Variants in DIP2B observed in about 807,000 individuals in gnomAD.
DIP2B encodes DIP2 acetate--CoA ligase B (putative), also known as disco-interacting protein 2 homolog B.
In DIP2B, 76 loss-of-function variants were observed where a neutral mutation model predicts 198.0. That is an observed-to-expected ratio of 0.38 (90% CI 0.32 to 0.46). The LOEUF is 0.46. DIP2B is among the 20% of genes least tolerant of loss of function. The pLI is 0.99. For missense variants in DIP2B, 1,559 were observed against 1,978.4 expected, an observed-to-expected ratio of 0.79 and a Z score of 4.02; for synonymous variants, 701 against 739.1, an observed-to-expected ratio of 0.95 and a Z score of 0.84.
At chr12:50,644,612 T>C (rs1016614951) in intron 3 of DIP2B, among the ~76,000 whole-genome samples, 2 of 152,206 alleles carry the variant, frequency 1.3e-5, no homozygotes, top group African/African-American at 4.8e-5. Flanking sequence ...TGCCTGTTCT[T>C]ATCAATAAGA....
At chr12:50,653,915 C>A (rs371309511) in intron 3 of DIP2B, among the ~76,000 whole-genome samples, 7 of 152,010 alleles carry the variant, frequency 4.6e-5, no homozygotes, top group African/African-American at 1.5e-4. Context: ...ACTCTGTTGC[C>A]CAGGCTGGAG....
rs141396523 is a variant in DIP2B at position 50,729,067 on chromosome 12, A to G, written c.3641+389A>G. On this transcript the variant is annotated intron_variant, in intron 30 of 37. Transcript: ENST00000301180. Reference sequence around the variant, plus strand: ...AATGGGATGGGATGACAGCATGTGGATGGAAAGTAGCACATTTGCCCTGGC... The same window carrying G: ...AATGGGATGGGATGACAGCATGTGGGTGGAAAGTAGCACATTTGCCCTGGC... Among the ~76,000 whole-genome samples, 11 of 152,212 alleles carry G rather than the reference A, an allele frequency of 7.2e-5. No homozygotes were observed. In the East Asian group the frequency reaches 2.1e-3, roughly 30 times the overall value.
At chr12:50,734,089 C>T in intron 32 of DIP2B, 46 bp from the exon 33 acceptor site, 1 of 1,597,854 alleles carries the variant, frequency 6.3e-7, no homozygotes, top group South Asian at 1.1e-5. Flanking sequence ...ATGTGAAATA[C>T]AGTTTATCGA....
chr12:50,572,958 A>T (rs116415766), intron 1 of DIP2B, among the ~76,000 whole-genome samples: 1 of 152,214 alleles, frequency 6.6e-6, no homozygotes, highest in Non-Finnish European at 1.5e-5. Context: ...CAGTGTCAGC[A>T]TCTTGGCTAG....
chr12:50,594,747 C>G (rs1303082440), intron 1 of DIP2B, among the ~76,000 whole-genome samples: 1 of 152,072 alleles, frequency 6.6e-6, no homozygotes, highest in Non-Finnish European at 1.5e-5. Flanking sequence ...TTTAACCCAC[C>G]TCTAATATTA....
Position 50,706,677 on chromosome 12 carries a change from A to G in DIP2B, c.2534+12A>G. 6.2e-7 allele frequency: 1 copy of G among 1,613,538 alleles called. No individual in the cohort carries two copies. The highest frequency in any genetic ancestry group is 8.5e-7 in the Non-Finnish European group (1 of 1,179,706). On this transcript the variant is annotated intron_variant, in intron 21 of 37. Transcript: ENST00000301180. Reference sequence around the variant, plus strand: ...GTTTATAGAGGAAGGTGAGTAGTACAAAATTCAAATGTTAGCACCTTTTAA... The same window carrying G: ...GTTTATAGAGGAAGGTGAGTAGTACGAAATTCAAATGTTAGCACCTTTTAA...
intron 36 of DIP2B, 86 bp downstream of exon 36, chr12:50,739,672 G>A (rs1940205139): frequency 1.3e-6 from 2 of 1,516,954 alleles, no homozygotes; most frequent in Admixed American, 3.6e-5. Context: ...GGATTGTGGA[G>A]TGTGTCTATT....
chr12:50,552,985 G>T (rs146438650), intron 1 of DIP2B, among the ~76,000 whole-genome samples: 3 of 151,970 alleles, frequency 2.0e-5, no homozygotes, highest in African/African-American at 7.3e-5. Flanking sequence ...ACAGGTGTGC[G>T]CCACCATGCC....
chr12:50,605,742 A>G (rs979857982), intron 1 of DIP2B, among the ~76,000 whole-genome samples: 5 of 152,168 alleles, frequency 3.3e-5, no homozygotes, highest in African/African-American at 9.7e-5. Flanking sequence ...CCATGTTTTC[A>G]AGGTTCAGTC....
In DIP2B at chr12:50,739,602, C is replaced by T. The variant is rs1410282997; in HGVS notation, c.4354+16C>T. 6.2e-7 allele frequency: 1 copy of T among 1,612,040 alleles called. No individual in the cohort carries two copies. Among genetic ancestry groups the T allele is most frequent in the African/African-American group, 1.3e-5 (1 of 74,920 alleles). ...GCCACTGGAGGTACTTCTGCAACAA[C>T]TCCCCATTGACCCTGCTTTGTGTTT... On this transcript the variant is annotated intron_variant, in intron 36 of 37. Transcript: ENST00000301180.
intron 3 of DIP2B, among the ~76,000 whole-genome samples, chr12:50,646,583 A>G (rs897245903): frequency 5.3e-5 from 8 of 152,062 alleles, no homozygotes; most frequent in South Asian, 2.1e-4. Context: ...CACCGTGCCC[A>G]GCTAATTTTT....
Position 50,660,196 on chromosome 12 carries a change from A to G in DIP2B, c.304A>G (p.Ile102Val), listed in dbSNP as rs1938621546. The G allele has an allele frequency of 6.2e-7, 1 of 1,604,966 alleles. No individual in the cohort carries two copies. The change falls in exon 4 of 38, where the codon ATC becomes GTC. Residue 102 changes from isoleucine to valine, a missense_variant and splice_region_variant. Coordinates refer to ENST00000301180, the MANE Select transcript of DIP2B (RefSeq NM_173602.3). ...GARDERYRSD[I>V]HTEAVQAALA... The stretch of plus-strand genomic sequence containing the variant: ...AATGCAAATGTTTGCTTTTTCAGAT[A>G]TCCACACAGAAGCAGTTCAGGCTGC...
intron 8 of DIP2B, chr12:50,680,269 A>AAC (rs1555192334): frequency 6.5e-6 from 1 of 153,486 alleles, no homozygotes; most frequent in African/African-American, 2.4e-5. Context: ...TAAAAAAAAA[A>AAC]AAAAAAAAAA....
rs1185217074 is a variant in DIP2B at position 50,747,998 on chromosome 12, G to A, written c.*3159G>A. ...AGTCCTTTCCTCATGAAGTTGTGTTGCCTCAGGCTGTTTAGGGACCATTGC... is the reference window on the plus strand; with the variant it reads ...AGTCCTTTCCTCATGAAGTTGTGTTACCTCAGGCTGTTTAGGGACCATTGC... On this transcript the variant is annotated 3_prime_UTR_variant, in exon 38 of 38. Transcript: ENST00000301180. 6.6e-6 allele frequency: 1 copy of A among 152,616 alleles called. No homozygotes were observed. The highest frequency in any genetic ancestry group is 2.4e-5 in the African/African-American group (1 of 41,434). The allele number at this position is 152,616 out of a possible 1,614,324, so 9.5% of individuals were successfully genotyped here.
At chr12:50,581,434 AGTGTGAT>A (rs1254680015) in intron 1 of DIP2B, among the ~76,000 whole-genome samples, 1 of 149,486 alleles carries the variant, frequency 6.7e-6, no homozygotes, top group East Asian at 2.3e-4. Context: ...GCCCAATAGG[AGTGTGAT>A]TCTTTCCGGC....
intron 2 of DIP2B, among the ~76,000 whole-genome samples, chr12:50,630,369 TTCTCTC>T (rs148430444): frequency 3.3e-5 from 5 of 151,196 alleles, no homozygotes; most frequent in Non-Finnish European, 1.5e-5. Flanking sequence ...CTTTCTTCTC[TTCTCTC>T]TCTCTCTCTG....
intron 10 of DIP2B, 118 bp downstream of exon 10, chr12:50,683,366 T>C (rs1939077606): frequency 1.4e-6 from 1 of 734,340 alleles, no homozygotes; most frequent in Admixed American, 3.2e-5. Flanking sequence ...AGTACTCAGC[T>C]TCACTTTCTA....
chr12:50,716,281 TAA>T (rs1442911263), intron 23 of DIP2B, among the ~76,000 whole-genome samples: 2 of 135,478 alleles, frequency 1.5e-5, no homozygotes, highest in African/African-American at 5.3e-5. Flanking sequence ...CTTTGTAGAC[TAA>T]AACTGTTCAC....
intron 1 of DIP2B, among the ~76,000 whole-genome samples, chr12:50,579,264 A>G (rs911653505): frequency 2.6e-5 from 4 of 152,154 alleles, no homozygotes; most frequent in Admixed American, 2.0e-4. Flanking sequence ...TTTGTTGACA[A>G]TTATAAGTTA....
Sources: gnomAD v4.1 joint callset for allele counts (sites outside exome capture counted in the v4.1 genomes callset) on GRCh38, gnomAD v4.1.1 for gene constraint, MANE v1.5 for transcripts, NCBI Gene and HGNC (gene_info 2026-07-23, HGNC 2026-07-21) for gene names.